MAPKAP1: variants seen among roughly 807,000 people sequenced by gnomAD.
The protein encoded by MAPKAP1 is target of rapamycin complex 2 subunit MAPKAP1.
MAPKAP1 carries 20 observed loss-of-function variants against 65.7 expected under a neutral mutation model. That is an observed-to-expected ratio of 0.30 (90% CI 0.21 to 0.44). The LOEUF (loss-of-function observed/expected upper bound fraction) is 0.44. MAPKAP1 is among the 20% of genes least tolerant of loss of function. MAPKAP1 has a pLI of 1.00. For synonymous variants in MAPKAP1, 222 were observed against 244.3 expected (o/e 0.91, Z 0.85); for missense variants, 423 against 648.0 (o/e 0.65, Z 3.77).
chr9:125,627,298 C>G (rs1301495979), intron 4 of MAPKAP1, among the ~76,000 whole-genome samples: 3 of 152,340 alleles, frequency 2.0e-5, no homozygotes, highest in South Asian at 4.1e-4. Context: ...TCAAATGCCT[C>G]TATCTTGGGC....
chr9:125,692,102 T>C (rs1835187803), intron 1 of MAPKAP1, among the ~76,000 whole-genome samples: 2 of 152,230 alleles, frequency 1.3e-5, no homozygotes, highest in South Asian at 4.1e-4. Context: ...AAAAACAGCC[T>C]GGCAGTTTCT....
chr9:125,595,818 C>T lies in MAPKAP1; in HGVS notation c.499-10091G>A, dbSNP rs1180385575. ...TGTGTGGTAATGAAAGATTCCAACA[C>T]CAAGCGTTCCGGGGGTTTTGGGTTT... On this transcript the variant is annotated intron_variant, in intron 4 of 11. Coordinates refer to ENST00000265960, the MANE Select transcript of MAPKAP1 (RefSeq NM_001006617.3). The surrounding 1 kb of genome is among the most constrained non-coding windows in gnomAD (Gnocchi z 4.0). The T allele has an allele frequency of 1.8e-6, 2 of 1,133,062 alleles. No homozygotes were observed. The highest frequency in any genetic ancestry group is 1.3e-6 in the Non-Finnish European group (1 of 757,742). The allele number at this position is 1,133,062 out of a possible 1,614,324, so 70.2% of individuals were successfully genotyped here. A position where few individuals can be genotyped will look rare whatever the true frequency, so the allele number is the denominator to read the frequency against.
At chr9:125,605,772 A>T (rs1018655159) in intron 4 of MAPKAP1, among the ~76,000 whole-genome samples, 2 of 152,236 alleles carry the variant, frequency 1.3e-5, no homozygotes, top group Non-Finnish European at 2.9e-5. Flanking sequence ...AAACAATGGA[A>T]CAACAAAGGA....
chr9:125,563,582 A>C (rs1208440478), intron 5 of MAPKAP1, among the ~76,000 whole-genome samples: 1 of 152,188 alleles, frequency 6.6e-6, no homozygotes, highest in Non-Finnish European at 1.5e-5. Context: ...TTCTTCTATT[A>C]TCTCTCCATA....
intron 5 of MAPKAP1, 113 bp downstream of exon 5, chr9:125,585,442 G>A (rs766908218): frequency 1.1e-5 from 13 of 1,134,048 alleles, no homozygotes; most frequent in Admixed American, 2.0e-5. Flanking sequence ...AGCTGGATCA[G>A]TGCAGAAGTG....
intron 4 of MAPKAP1, among the ~76,000 whole-genome samples, chr9:125,588,877 C>T (rs1010759086): frequency 1.3e-5 from 2 of 152,196 alleles, no homozygotes; most frequent in African/African-American, 4.8e-5. Flanking sequence ...CACTGCCACT[C>T]CTCCACCTGC....
At chr9:125,691,873 T>C (rs1835181271) in intron 1 of MAPKAP1, among the ~76,000 whole-genome samples, 2 of 152,204 alleles carry the variant, frequency 1.3e-5, no homozygotes, top group African/African-American at 2.4e-5. Context: ...ATGCCCAATA[T>C]ATATGCCTGG....
chr9:125,463,234 T>G (rs994199410), intron 10 of MAPKAP1, among the ~76,000 whole-genome samples: 1 of 152,252 alleles, frequency 6.6e-6, no homozygotes, highest in African/African-American at 2.4e-5. Context: ...AATCTGCGAC[T>G]GCAGGGTGCA....
At chr9:125,560,105 T>C (rs1410721604) in intron 5 of MAPKAP1, among the ~76,000 whole-genome samples, 1 of 152,184 alleles carries the variant, frequency 6.6e-6, no homozygotes, top group Non-Finnish European at 1.5e-5. Flanking sequence ...AAAGGTGAGA[T>C]TTAGTATCAG....
At chr9:125,539,951 G>A (rs1186998046) in intron 7 of MAPKAP1, among the ~76,000 whole-genome samples, 1 of 152,012 alleles carries the variant, frequency 6.6e-6, no homozygotes, top group Admixed American at 6.6e-5. Context: ...AACATACTGT[G>A]AAAAGACTAC....
chr9:125,438,718 C>G lies in MAPKAP1; in HGVS notation c.*169G>C. ...GTCCCATGGCAATGTCCCCAGCGCT[C>G]CCTCCTAGGGGGCCCCCGACACCTT... On this transcript the variant is annotated 3_prime_UTR_variant, in exon 12 of 12. Coordinates refer to ENST00000265960, the MANE Select transcript of MAPKAP1 (RefSeq NM_001006617.3). The G allele has an allele frequency of 1.3e-6, 1 of 763,294 alleles. No individual in the cohort carries two copies. Among genetic ancestry groups the G allele is most frequent in the Non-Finnish European group, 2.1e-6 (1 of 475,302 alleles). The allele number at this position is 763,294 out of a possible 1,614,324, so 47.3% of individuals were successfully genotyped here.
chr9:125,498,107 T>C (rs896958990), intron 8 of MAPKAP1, among the ~76,000 whole-genome samples: 5 of 152,236 alleles, frequency 3.3e-5, no homozygotes, highest in Admixed American at 2.6e-4. Flanking sequence ...CTGAAGGATG[T>C]AGTAGATTAT....
chr9:125,601,083 G>A (rs1832286070), intron 4 of MAPKAP1, among the ~76,000 whole-genome samples: 1 of 151,808 alleles, frequency 6.6e-6, no homozygotes, highest in African/African-American at 2.4e-5. Flanking sequence ...AATGAGTCTT[G>A]AAGATTTAAT....
At chr9:125,695,391 G>A (rs1251813034) in intron 1 of MAPKAP1, among the ~76,000 whole-genome samples, 3 of 152,102 alleles carry the variant, frequency 2.0e-5, no homozygotes, top group Admixed American at 6.6e-5. Flanking sequence ...AATGAAATAT[G>A]ACAACATGGT....
intron 4 of MAPKAP1, among the ~76,000 whole-genome samples, chr9:125,655,028 T>C (rs1833991092): frequency 6.6e-6 from 1 of 152,018 alleles, no homozygotes; most frequent in Admixed American, 6.6e-5. Context: ...AAGGCAAGAG[T>C]TATTCCCAAG....
At chr9:125,533,938 A>C (rs1254502908) in intron 7 of MAPKAP1, among the ~76,000 whole-genome samples, 2 of 152,226 alleles carry the variant, frequency 1.3e-5, no homozygotes, top group African/African-American at 4.8e-5. Flanking sequence ...TAGAGAGCTA[A>C]GTTGAACAAA....
chr9:125,650,815 G>A (rs955501934), intron 4 of MAPKAP1, among the ~76,000 whole-genome samples: 8 of 152,172 alleles, frequency 5.3e-5, no homozygotes, highest in Non-Finnish European at 1.0e-4. Context: ...ATTTTGTTGT[G>A]ATTCCTATTT....
intron 5 of MAPKAP1, among the ~76,000 whole-genome samples, chr9:125,577,360 C>T (rs1030588374): frequency 2.1e-4 from 32 of 151,110 alleles, no homozygotes; most frequent in African/African-American, 6.5e-4. Flanking sequence ...CGTCTCCGCC[C>T]GGCAGCCACC....
intron 8 of MAPKAP1, among the ~76,000 whole-genome samples, chr9:125,495,904 T>C (rs1052320191): frequency 1.3e-5 from 2 of 152,180 alleles, no homozygotes; most frequent in African/African-American, 4.8e-5. Flanking sequence ...ACCACACACA[T>C]GCTCAGACAA....
Sources: gnomAD v4.1 joint callset for allele counts (sites outside exome capture counted in the v4.1 genomes callset) on GRCh38, gnomAD v4.1.1 for gene constraint, Gnocchi (gnomAD v3.1) non-coding constraint, MANE v1.5 for transcripts, NCBI Gene and HGNC (gene_info 2026-07-23, HGNC 2026-07-21) for gene names.